NCR1: variants seen among roughly 807,000 people sequenced by gnomAD.
The protein encoded by NCR1 is natural cytotoxicity triggering receptor 1, also known as NK cell-activating receptor.
NCR1 carries 30 observed loss-of-function variants against 32.5 expected under a neutral mutation model. The ratio of observed to expected loss-of-function variants is 0.92; its 90% CI spans 0.69 to 1.25. The LOEUF (loss-of-function observed/expected upper bound fraction) is 1.25. NCR1 is among the 50% of genes most tolerant of loss of function. NCR1 has a pLI of 0.00. For synonymous variants in NCR1, 169 were observed against 143.4 expected, an observed-to-expected ratio of 1.18 and a Z score of -1.28; for missense variants, 369 against 380.7, an observed-to-expected ratio of 0.97 and a Z score of 0.26.
At chr19:54,930,192 C>T in the NCR1 span, among the ~76,000 whole-genome samples, 1 of 151,238 alleles carries the variant, frequency 6.6e-6, no homozygotes, top group African/African-American at 2.4e-5. Context: ...TGAGGCCAGG[C>T]ATGATGGCTC....
chr19:54,917,990 T>G (rs180754950), downstream of NCR1, among the ~76,000 whole-genome samples: 1 of 152,160 alleles, frequency 6.6e-6, no homozygotes, highest in African/African-American at 2.4e-5. Context: ...AGAGTCTTGC[T>G]CTGTCGCCCA....
upstream of NCR1, among the ~76,000 whole-genome samples, chr19:54,901,551 C>T (rs1666654205): frequency 6.6e-6 from 1 of 151,902 alleles, no homozygotes; most frequent in African/African-American, 2.4e-5. Context: ...CACCTGTAAT[C>T]CCAATACCTT....
At chr19:54,931,348 G>C in the NCR1 span, among the ~76,000 whole-genome samples, 1 of 152,082 alleles carries the variant, frequency 6.6e-6, no homozygotes, top group Non-Finnish European at 1.5e-5. Context: ...CACAAGATCA[G>C]GAGTTCAAGA....
rs866566742 is a variant in NCR1 at position 54,912,812 on chromosome 19, C to T, written c.856C>T (p.Arg286Ter). 3.7e-6 allele frequency: 6 copies of T among 1,613,564 alleles called. No individual in the cohort carries two copies. The highest frequency in any genetic ancestry group is 1.7e-4 in the Middle Eastern group (1 of 6,060). ...GCTCAGCAGGAAGAGGACTAGAGAG[C>T]GAGCCAGCAGAGCTTCCACTTGGGA... is the stretch of plus-strand genomic sequence containing the variant. ...DWLSRKRTRERASRASTWEGR... is the reference protein window; with the variant it reads ...DWLSRKRTRE The change falls in exon 7 of 7, where the codon CGA becomes TGA. Residue 286 changes from arginine to a stop codon, truncating the protein, a stop_gained. Transcript: ENST00000291890. LOFTEE classifies it low-confidence loss of function (END_TRUNC).
At chr19:54,902,839 A>T, upstream of NCR1, among the ~76,000 whole-genome samples, 1 of 130,132 alleles carries the variant, frequency 7.7e-6, no homozygotes, top group African/African-American at 3.2e-5. Context: ...AGTAAATAAG[A>T]AGGAGGCGGG....
At chr19:54,913,173 G>A, downstream of NCR1, 1 of 208,694 alleles carries the variant, frequency 4.8e-6, no homozygotes, top group Non-Finnish European at 9.6e-6. Flanking sequence ...TGATTCTCCT[G>A]CCTCAGCCTC....
At chr19:54,936,509 G>A in the NCR1 span, 1 of 1,266,120 alleles carries the variant, frequency 7.9e-7, no homozygotes, top group South Asian at 1.2e-5. Context: ...ACAAAAAGCT[G>A]TTTCACATTT....
intron 3 of NCR1, among the ~76,000 whole-genome samples, chr19:54,908,300 T>TG (rs976052258): frequency 6.6e-6 from 1 of 152,122 alleles, no homozygotes; most frequent in Non-Finnish European, 1.5e-5. Context: ...AGCACGGGGT[T>TG]GGGGGTAAGG....
chr19:54,921,342 A>G, the NCR1 span, among the ~76,000 whole-genome samples: 1 of 152,182 alleles, frequency 6.6e-6, no homozygotes, highest in Non-Finnish European at 1.5e-5. Flanking sequence ...CACCACAGTG[A>G]TCTCGAGCAT....
In NCR1 at chr19:54,910,517, T is replaced by C. The variant is rs1243415980; in HGVS notation, c.682+452T>C. On this transcript the variant is annotated intron_variant, in intron 5 of 6. Transcript: ENST00000291890. ...CTGGGATGCAGAGGTTGCAGTGAGC[T>C]GAGATCGCGCCACTGCATTCCACTC... Among the ~76,000 whole-genome samples, 3 of 152,098 alleles carry C rather than the reference T, an allele frequency of 2.0e-5. No homozygotes were observed. In the East Asian group the frequency reaches 5.8e-4, roughly 29 times the overall value.
At chr19:54,936,398 C>T in the NCR1 span, 1 of 1,614,122 alleles carries the variant, frequency 6.2e-7, no homozygotes, top group Non-Finnish European at 8.5e-7. Context: ...GACAGAAGTC[C>T]CGGTACGCGG....
upstream of NCR1, chr19:54,906,103 C>T (rs958049360): frequency 2.6e-6 from 4 of 1,555,672 alleles, no homozygotes; most frequent in Non-Finnish European, 3.5e-6. Flanking sequence ...CGCTGGTGCT[C>T]ACCCACCACT....
the NCR1 span, among the ~76,000 whole-genome samples, chr19:54,924,219 C>T: frequency 3.3e-4 from 51 of 152,258 alleles, no homozygotes; most frequent in Middle Eastern, 6.8e-3. Flanking sequence ...CCATCCACCT[C>T]GGCCTCCCAA....
intron 5 of NCR1, among the ~76,000 whole-genome samples, chr19:54,910,340 G>A (rs1036474454): frequency 1.3e-5 from 2 of 152,064 alleles, no homozygotes; most frequent in African/African-American, 2.4e-5. Flanking sequence ...GGGAGGCCAA[G>A]GTGGTTGGAT....
upstream of NCR1, among the ~76,000 whole-genome samples, chr19:54,901,557 A>AT (rs1417331294): frequency 6.6e-6 from 1 of 151,344 alleles, no homozygotes; most frequent in Non-Finnish European, 1.5e-5. Flanking sequence ...TAATCCCAAT[A>AT]CCTTGGGAGG....
downstream of NCR1, among the ~76,000 whole-genome samples, chr19:54,915,084 T>C (rs1941285357): frequency 1.3e-5 from 2 of 152,124 alleles, no homozygotes; most frequent in South Asian, 4.2e-4. Flanking sequence ...GTTAATTCCC[T>C]GTAACAGCAC....
chr19:54,935,879 A>G, the NCR1 span, among the ~76,000 whole-genome samples: 5 of 152,006 alleles, frequency 3.3e-5, no homozygotes, highest in South Asian at 1.0e-3. Context: ...GAGATCGAAC[A>G]GTTTCATCCC....
intron 3 of NCR1, 64 bp from the exon 4 acceptor site, chr19:54,909,181 A>T: frequency 2.0e-6 from 3 of 1,513,522 alleles, no homozygotes; most frequent in Non-Finnish European, 2.7e-6. Context: ...AAAGAAAGAA[A>T]AAAAAAAATA....
the NCR1 span, among the ~76,000 whole-genome samples, chr19:54,921,294 C>G: frequency 6.6e-6 from 1 of 152,278 alleles, no homozygotes; most frequent in East Asian, 1.9e-4. Flanking sequence ...TGTTACCACC[C>G]ACAGCCTGCA....
Sources: allele counts gnomAD v4.1 joint callset (sites outside exome capture counted in the v4.1 genomes callset), GRCh38; gene constraint gnomAD v4.1.1; transcripts MANE v1.5; gene names NCBI Gene and HGNC (gene_info 2026-07-23, HGNC 2026-07-21).